Variants in ZEB2 observed in about 807,000 individuals in gnomAD.
The protein encoded by ZEB2 is zinc finger E-box-binding homeobox 2.
A neutral mutation model predicts 99.9 loss-of-function variants in ZEB2; 6 were observed. The observed-to-expected ratio is 0.06, with a 90% CI of 0.03 to 0.12. The LOEUF (loss-of-function observed/expected upper bound fraction) is 0.12, where lower values mean the gene tolerates loss of function less well. Among genes scored for constraint, ZEB2 ranks in the 10% least tolerant of loss-of-function variants. The pLI is 1.00. For missense variants in ZEB2, 969 were observed against 1,502.8 expected, an observed-to-expected ratio of 0.64 and a Z score of 5.87; for synonymous variants, 517 against 542.5, an observed-to-expected ratio of 0.95 and a Z score of 0.65.
At chr2:144,397,176 G>A (rs866546866) in intron 8 of ZEB2, among the ~76,000 whole-genome samples, 2 of 152,148 alleles carry the variant, frequency 1.3e-5, no homozygotes, top group Non-Finnish European at 2.9e-5. Flanking sequence ...GAACATTAAT[G>A]AATGTGGATC....
chr2:144,384,493 CAT>C lies in ZEB2; in HGVS notation c.*4956_*4957del, dbSNP rs980311870. ...ACACAGCCTACTAGCCCAAAAAGAA[CAT>C]GTTGCCAATTATCTCCATGTTTATT... On this transcript the variant is annotated 3_prime_UTR_variant, in exon 10 of 10. Coordinates refer to ENST00000627532, the MANE Select transcript of ZEB2 (RefSeq NM_014795.4). The C allele has an allele frequency of 1.3e-5, 2 of 152,008 alleles. No homozygotes were observed. The highest frequency in any genetic ancestry group is 2.9e-5 in the Non-Finnish European group (2 of 67,980). The allele number at this position is 152,008 out of a possible 1,614,324, so 9.4% of individuals were successfully genotyped here. A position where few individuals can be genotyped will look rare whatever the true frequency, so the allele number is the denominator to read the frequency against.
At position 144,398,998 on chromosome 2, in the gene ZEB2, C is replaced by CTGG. The variant is rs745435091; in HGVS notation, c.2186_2188dup (p.Pro729_Arg730insThr). On this transcript the variant is annotated inframe_insertion, in exon 8 of 10. Transcript: ENST00000627532. ...GGAGTCCATAGGTTTTACAGGAGAC[C>CTGG]TGGGTAATAAAGAGTCTTTTGTGGG... The CTGG allele has an allele frequency of 6.2e-7, 1 of 1,614,070 alleles. No homozygotes were observed. Among genetic ancestry groups the CTGG allele is most frequent in the Non-Finnish European group, 8.5e-7 (1 of 1,180,006 alleles).
rs769716540 is a variant in ZEB2, at chr2:144,390,055, T to C, written c.3068-27A>G. ...TGGGAGAAAGAACAAGATGACAGGG[T>C]GATTAGTGTCTTTGCATGAAGTCTC... On this transcript the variant is annotated intron_variant, in intron 9 of 9. Transcript: ENST00000627532. 2.5e-6 allele frequency: 4 copies of C among 1,597,200 alleles called. No individual in the cohort carries two copies. The African/African-American group carries it at 5.3e-5, about 21-fold the overall frequency.
chr2:144,435,958 TTACCTCCG>T (rs1422547875), intron 2 of ZEB2, among the ~76,000 whole-genome samples: 1 of 152,032 alleles, frequency 6.6e-6, no homozygotes, highest in African/African-American at 2.4e-5. Flanking sequence ...AGTTACCTTG[TTACCTCCG>T]TGCTTGGGTG....
intron 8 of ZEB2, 111 bp from the exon 9 acceptor site, chr2:144,396,703 T>C (rs1235145425): frequency 1.7e-6 from 2 of 1,191,094 alleles, no homozygotes; most frequent in African/African-American, 1.5e-5. Context: ...TACTAATTGA[T>C]TGAGTTAAAC....
At chr2:144,514,477 T>G (rs1159453855) in intron 2 of ZEB2, 2 of 152,228 alleles carry the variant, frequency 1.3e-5, no homozygotes, top group African/African-American at 2.4e-5. Flanking sequence ...TTTAGTGTTA[T>G]CAGCAAAGAC....
chr2:144,413,823 C>T lies in ZEB2; in HGVS notation c.404-8799G>A, dbSNP rs142989779. Among the ~76,000 whole-genome samples, 550 of 152,240 alleles carry T rather than the reference C, an allele frequency of 3.6e-3. 1 individual carries two copies. Among genetic ancestry groups the T allele is most frequent in the Non-Finnish European group, 6.4e-3 (433 of 68,016 alleles). ...AAATACGTTATAATCAAACTTGTATCGCTTCTGTTACTGATATAAGAAAGC... is the reference window on the plus strand; with the variant it reads ...AAATACGTTATAATCAAACTTGTATTGCTTCTGTTACTGATATAAGAAAGC... On this transcript the variant is annotated intron_variant, in intron 4 of 9. Transcript: ENST00000627532.
intron 2 of ZEB2, among the ~76,000 whole-genome samples, chr2:144,497,478 T>C (rs540702208): frequency 1.6e-4 from 24 of 152,264 alleles, no homozygotes; most frequent in African/African-American, 5.8e-4. Flanking sequence ...CCTGATGACA[T>C]ACTTTTCAAT....
At chr2:144,402,040 G>C (rs1290908703) in intron 6 of ZEB2, among the ~76,000 whole-genome samples, 2 of 152,188 alleles carry the variant, frequency 1.3e-5, no homozygotes, top group African/African-American at 4.8e-5. Flanking sequence ...CAGTAGGAAA[G>C]ACTTCAACGA....
chr2:144,424,574 G>A (rs1305306347), intron 4 of ZEB2: 1 of 641,586 alleles, frequency 1.6e-6, no homozygotes, highest in Non-Finnish European at 2.8e-6. Flanking sequence ...GTATTCTTGA[G>A]CGTCACAGGT....
chr2:144,435,868 A>G (rs1002591254), intron 2 of ZEB2, among the ~76,000 whole-genome samples: 1 of 150,026 alleles, frequency 6.7e-6, no homozygotes, highest in Non-Finnish European at 1.5e-5. Context: ...GGATGCAGCT[A>G]TTTTTCAATA....
intron 2 of ZEB2, among the ~76,000 whole-genome samples, chr2:144,483,992 C>T (rs762483185): frequency 6.6e-6 from 1 of 152,112 alleles, no homozygotes; most frequent in Non-Finnish European, 1.5e-5. Context: ...AATTCTAAAA[C>T]TAGAGCTTCA....
intron 2 of ZEB2, among the ~76,000 whole-genome samples, chr2:144,509,556 T>C (rs1189007912): frequency 6.6e-6 from 1 of 152,306 alleles, no homozygotes; most frequent in Admixed American, 6.5e-5. Context: ...TTTCAAATCA[T>C]TCACTCTGCT....
At chr2:144,401,793 A>G (rs1360412964) in intron 6 of ZEB2, among the ~76,000 whole-genome samples, 1 of 152,210 alleles carries the variant, frequency 6.6e-6, no homozygotes, top group Non-Finnish European at 1.5e-5. Context: ...ATACTGAAGC[A>G]ATCTAAAATT....
intron 9 of ZEB2, among the ~76,000 whole-genome samples, chr2:144,394,912 A>G (rs1703201899): frequency 6.6e-6 from 1 of 151,858 alleles, no homozygotes. Context: ...CTTCCCAAGG[A>G]CAGTTTTCAG....
chr2:144,513,575 T>C, intron 2 of ZEB2: 1 of 1,528,702 alleles, frequency 6.5e-7, no homozygotes, highest in East Asian at 2.4e-5. Context: ...CGTGCATGTC[T>C]CTGTGAGATT....
At chr2:144,390,362 A>G (rs1303613980) in intron 9 of ZEB2, among the ~76,000 whole-genome samples, 2 of 152,222 alleles carry the variant, frequency 1.3e-5, no homozygotes, top group Non-Finnish European at 2.9e-5. Context: ...CTAGTGATCT[A>G]GCACATGTTT....
At chr2:144,422,967 T>C (rs1703639729) in intron 4 of ZEB2, among the ~76,000 whole-genome samples, 2 of 152,228 alleles carry the variant, frequency 1.3e-5, no homozygotes, top group Non-Finnish European at 2.9e-5. Context: ...TTAGTCTTCC[T>C]GACCCATCTT....
At chr2:144,444,162 G>A (rs115062611) in intron 2 of ZEB2, among the ~76,000 whole-genome samples, 2,426 of 152,260 alleles carry the variant, frequency 0.016, 70 homozygotes, top group African/African-American at 0.055. Flanking sequence ...TCTGATAGTC[G>A]TAGAAACATA....
Sources: gnomAD v4.1 joint callset for allele counts (sites outside exome capture counted in the v4.1 genomes callset) on GRCh38, gnomAD v4.1.1 for gene constraint, MANE v1.5 for transcripts, NCBI Gene and HGNC (gene_info 2026-07-23, HGNC 2026-07-21) for gene names.